LUC7L3: variants seen among roughly 807,000 people sequenced by gnomAD.
LUC7L3 encodes the protein LUC7 like 3 pre-mRNA splicing factor.
Under a neutral mutation model 66.8 loss-of-function variants are expected in LUC7L3, and 6 were observed. The ratio of observed to expected loss-of-function variants is 0.09; its 90% confidence interval spans 0.05 to 0.18. LUC7L3 has a LOEUF of 0.18. Ranked by LOEUF, LUC7L3 falls within the 10% of genes least tolerant of loss-of-function variation. LUC7L3 has a pLI of 1.00. For synonymous variants in LUC7L3, 160 were observed against 174.7 expected (o/e 0.92, Z 0.66); for missense variants, 341 against 531.1 (o/e 0.64, Z 3.52).
At chr17:50,728,086 C>CCATGG (rs1461027408) in intron 1 of LUC7L3, among the ~76,000 whole-genome samples, 1 of 149,694 alleles carries the variant, frequency 6.7e-6, no homozygotes, top group Non-Finnish European at 1.5e-5. Context: ...CCACTGCACT[C>CCATGG]CAGCATGGGC....
chr17:50,745,269 C>G (rs192240312), intron 7 of LUC7L3, among the ~76,000 whole-genome samples: 1 of 152,076 alleles, frequency 6.6e-6, no homozygotes, highest in Admixed American at 6.5e-5. Flanking sequence ...TGAGCCACTG[C>G]GCTCGGCCAG....
chr17:50,745,687 C>G (rs1368555200), intron 7 of LUC7L3, 33 bp from the exon 8 acceptor site: 1 of 1,543,494 alleles, frequency 6.5e-7, no homozygotes, highest in Non-Finnish European at 8.7e-7. Context: ...TTTAAAGTTA[C>G]ATTTGCATAA....
intron 9 of LUC7L3, chr17:50,749,233 T>C: frequency 5.4e-6 from 7 of 1,289,138 alleles, no homozygotes; most frequent in Non-Finnish European, 7.1e-6. Flanking sequence ...GAAGATAAGA[T>C]TATTGGACTG....
At chr17:50,737,428 C>T (rs1970049741) in intron 2 of LUC7L3, 1 of 426,630 alleles carries the variant, frequency 2.3e-6, no homozygotes, top group Non-Finnish European at 4.6e-6. Context: ...TAAACAGAAG[C>T]GAGTGTTTGA....
At chr17:50,734,824 G>A (rs1403312877) in intron 1 of LUC7L3, among the ~76,000 whole-genome samples, 14 of 152,046 alleles carry the variant, frequency 9.2e-5, no homozygotes, top group Admixed American at 9.2e-4. Flanking sequence ...AAGTCCTATT[G>A]AAAACAATAA....
intron 1 of LUC7L3, among the ~76,000 whole-genome samples, chr17:50,729,140 A>C (rs1382935436): frequency 1.3e-5 from 2 of 152,216 alleles, no homozygotes; most frequent in Non-Finnish European, 2.9e-5. Flanking sequence ...TTCTGATATC[A>C]AACATTGAGA....
chr17:50,720,487 TAAA>T (rs1421191552), intron 1 of LUC7L3, among the ~76,000 whole-genome samples: 1 of 152,182 alleles, frequency 6.6e-6, no homozygotes, highest in Non-Finnish European at 1.5e-5. Flanking sequence ...TGGTGAGACT[TAAA>T]AAGGCTCACC....
At chr17:50,749,635 C>G (rs1254690485) in intron 9 of LUC7L3, among the ~76,000 whole-genome samples, 1 of 152,144 alleles carries the variant, frequency 6.6e-6, no homozygotes, top group Non-Finnish European at 1.5e-5. Flanking sequence ...GTCTAATTAA[C>G]TACTCTGCCA....
chr17:50,740,384 T>C, intron 3 of LUC7L3, 39 bp downstream of exon 3: 1 of 1,575,128 alleles, frequency 6.3e-7, no homozygotes, highest in Non-Finnish European at 8.7e-7. Flanking sequence ...CCCCCAGTTA[T>C]TAGTTGGTTT....
chr17:50,742,253 A>T (rs951220661), intron 5 of LUC7L3, among the ~76,000 whole-genome samples: 8 of 152,232 alleles, frequency 5.3e-5, no homozygotes, highest in Non-Finnish European at 1.2e-4. Context: ...ATTGGCAAGG[A>T]TGTGAGCCAG....
At chr17:50,744,559 A>G in intron 6 of LUC7L3, 93 bp from the exon 7 acceptor site, 1 of 1,175,648 alleles carries the variant, frequency 8.5e-7, no homozygotes, top group Non-Finnish European at 1.2e-6. Flanking sequence ...AGCAATTCAC[A>G]CACATTAGAA....
chr17:50,729,395 A>G (rs535594578), intron 1 of LUC7L3, among the ~76,000 whole-genome samples: 33 of 152,338 alleles, frequency 2.2e-4, no homozygotes, highest in Admixed American at 2.2e-3. Flanking sequence ...TATGATTATC[A>G]TATGCTTTAC....
intron 1 of LUC7L3, among the ~76,000 whole-genome samples, chr17:50,728,286 A>G (rs11079925): frequency 0.3 from 45,640 of 152,092 alleles, 6,924 homozygotes; most frequent in Middle Eastern, 0.35. Context: ...ATAGTGAATC[A>G]TACCTGCAAA....
In LUC7L3 at chr17:50,745,721, A is replaced by G. The variant is rs1283735379; in HGVS notation, c.695A>G (p.Glu232Gly). The G allele has an allele frequency of 6.4e-7, 1 of 1,569,224 alleles. No individual in the cohort carries two copies. The highest frequency in any genetic ancestry group is 8.6e-7 in the Non-Finnish European group (1 of 1,166,436). ...AAGAATCCAACTTGATTTTTCTAGG[A>G]AAAGTTAAGGAAAAGAACCGAAGAA... ...KIKATVEELK[E>G]KLRKRTEEPD... The change falls in exon 8 of 10, where the codon GAA (glutamate) becomes GGA (glycine). Residue 232 changes from glutamate to glycine, a missense_variant and splice_region_variant. Physicochemically the swap from Glu to Gly is moderately conservative, Grantham distance 98. This residue lies in a region of LUC7L3 where 17 missense variants were observed against 48.2 expected (regional missense o/e 0.35). Coordinates refer to ENST00000505658, the MANE Select transcript of LUC7L3 (RefSeq NM_016424.5).
Position 50,751,028 on chromosome 17 carries a change from T to G in LUC7L3, c.*367T>G. 4.9e-6 allele frequency: 7 copies of G among 1,441,742 alleles called. No individual in the cohort carries two copies. In the South Asian group the frequency reaches 9.0e-5, roughly 19 times the overall value. 89.3% of individuals were successfully genotyped at this position (1,441,742 alleles called of 1,614,324 possible). A position where few individuals can be genotyped will look rare whatever the true frequency, so the allele number is the denominator to read the frequency against. On this transcript the variant is annotated 3_prime_UTR_variant, in exon 10 of 10. Coordinates refer to ENST00000505658, the MANE Select transcript of LUC7L3 (RefSeq NM_016424.5). ...TTTAATAAAAAGGTTGAACTGTTTTTTTTTTTCTTTTTGGTATTAAGTCCA... is the reference window on the plus strand; with the variant it reads ...TTTAATAAAAAGGTTGAACTGTTTTGTTTTTTCTTTTTGGTATTAAGTCCA...
At position 50,750,624 on chromosome 17, in the gene LUC7L3, A is replaced by C; in HGVS notation, c.1262A>C (p.Glu421Ala). The C allele has an allele frequency of 6.2e-7, 1 of 1,614,116 alleles. No individual in the cohort carries two copies. The highest frequency in any genetic ancestry group is 2.2e-5 in the East Asian group (1 of 44,876). ...DTKNEVNGTS[E>A]DIKSEGDTQS... is the part of the protein sequence containing the mutation. ...AAGAATGAGGTCAATGGGACCAGTG[A>C]AGACATTAAATCTGAAGGTGACACT... Residue 421 changes from glutamate to alanine, a missense_variant, in exon 10 of 10, where the codon GAA (glutamate) becomes GCA (alanine). Glu to Ala is a moderately radical substitution (Grantham distance 107). Coordinates refer to ENST00000505658, the MANE Select transcript of LUC7L3 (RefSeq NM_016424.5).
In LUC7L3 at chr17:50,728,342, T is replaced by C. The variant is rs574146018; in HGVS notation, c.99+8511T>C. 5.3e-5 allele frequency among the ~76,000 whole-genome samples: 8 copies of C among 152,092 alleles called. No homozygotes were observed. In the South Asian group the frequency reaches 1.7e-3, roughly 32 times the overall value. ...AGGCATGGAAATGAATGTGTGGTCG[T>C]GGTATAACTGAAACATAAAGCTATA... On this transcript the variant is annotated intron_variant, in intron 1 of 9. Coordinates refer to ENST00000505658, the MANE Select transcript of LUC7L3 (RefSeq NM_016424.5).
At chr17:50,723,573 A>T (rs546877954) in intron 1 of LUC7L3, 1 of 154,666 alleles carries the variant, frequency 6.5e-6, no homozygotes, top group Admixed American at 6.3e-5. Context: ...GTTTTCATTC[A>T]GAGTCACCAA....
At position 50,750,621 on chromosome 17, in the gene LUC7L3, G is replaced by C; in HGVS notation, c.1259G>C (p.Ser420Thr). ...ACTAAGAATGAGGTCAATGGGACCA[G>C]TGAAGACATTAAATCTGAAGGTGAC... ...SDTKNEVNGTSEDIKSEGDTQ... is the reference protein window; with the variant it reads ...SDTKNEVNGTTEDIKSEGDTQ... Residue 420 changes from serine to threonine, a missense_variant, in exon 10 of 10, where the codon AGT becomes ACT. Ser to Thr is a moderately conservative substitution (Grantham distance 58). This residue lies in a region of LUC7L3 where 210 missense variants were observed against 238.1 expected (regional missense o/e 0.88). Coordinates refer to ENST00000505658, the MANE Select transcript of LUC7L3 (RefSeq NM_016424.5). The C allele has an allele frequency of 1.2e-6, 2 of 1,614,098 alleles. No individual in the cohort carries two copies. The highest frequency in any genetic ancestry group is 8.5e-7 in the Non-Finnish European group (1 of 1,179,986).
Sources: gnomAD v4.1 joint callset for allele counts (sites outside exome capture counted in the v4.1 genomes callset) on GRCh38, gnomAD v4.1.1 for gene constraint, gnomAD v4.1.1 regional missense constraint, MANE v1.5 for transcripts, NCBI Gene and HGNC (gene_info 2026-07-23, HGNC 2026-07-21) for gene names.